Variants in REM1 observed in about 807,000 individuals in gnomAD.
The protein encoded by REM1 is GTP-binding protein REM 1.
In REM1, 20 loss-of-function variants were observed where a neutral mutation model predicts 27.0. The ratio of observed to expected loss-of-function variants is 0.74; its 90% confidence interval spans 0.52 to 1.08. The LOEUF (loss-of-function observed/expected upper bound fraction) is 1.08, where lower values mean the gene tolerates loss of function less well. Ranked by LOEUF, REM1 falls within the 50% of genes least tolerant of loss-of-function variation. The probability of loss-of-function intolerance (pLI) is 0.00; values close to 1 mark genes in which losing one functional copy is unlikely to be tolerated. For synonymous variants in REM1, 159 were observed against 167.9 expected, an observed-to-expected ratio of 0.95 and a Z score of 0.41; for missense variants, 405 against 407.0, an observed-to-expected ratio of 1.00 and a Z score of 0.04.
intron 3 of REM1, among the ~76,000 whole-genome samples, chr20:31,478,993 C>T (rs1260623913): frequency 6.6e-6 from 1 of 152,116 alleles, no homozygotes; most frequent in Admixed American, 6.5e-5. Context: ...TGTCACCATG[C>T]CCAGCTAATT....
intron 4 of REM1, 138 bp downstream of exon 4, chr20:31,482,626 G>A: frequency 1.2e-6 from 1 of 830,094 alleles, no homozygotes; most frequent in Non-Finnish European, 1.9e-6. Context: ...TGCAAGCTGG[G>A]AACCATTCTT....
At chr20:31,483,121 GA>G (rs1254757166) in intron 4 of REM1, among the ~76,000 whole-genome samples, 1 of 152,112 alleles carries the variant, frequency 6.6e-6, no homozygotes, top group African/African-American at 2.4e-5. Flanking sequence ...CCAACATGGT[GA>G]AACCCCATCT....
chr20:31,481,986 G>C (rs910883295), intron 3 of REM1, among the ~76,000 whole-genome samples: 1 of 152,196 alleles, frequency 6.6e-6, no homozygotes, highest in African/African-American at 2.4e-5. Flanking sequence ...ACCCTCTTTA[G>C]CAGGAACAGG....
intron 3 of REM1, among the ~76,000 whole-genome samples, chr20:31,481,513 T>A (rs528413253): frequency 1.3e-5 from 2 of 152,130 alleles, no homozygotes; most frequent in East Asian, 3.9e-4. Flanking sequence ...TACACATGTC[T>A]CTTACTGGTA....
intron 3 of REM1, among the ~76,000 whole-genome samples, chr20:31,480,464 C>G (rs564668629): frequency 9.0e-4 from 137 of 152,184 alleles, no homozygotes; most frequent in African/African-American, 3.1e-3. Flanking sequence ...GCTGGGACTA[C>G]AGGCACCCAC....
chr20:31,480,966 G>A (rs889397101), intron 3 of REM1, among the ~76,000 whole-genome samples: 1 of 152,096 alleles, frequency 6.6e-6, no homozygotes, highest in Non-Finnish European at 1.5e-5. Context: ...ATTCCCATTT[G>A]GTTATCAGAA....
chr20:31,480,546 C>A (rs1333324796), intron 3 of REM1, among the ~76,000 whole-genome samples: 2 of 152,110 alleles, frequency 1.3e-5, no homozygotes, highest in Non-Finnish European at 2.9e-5. Context: ...TGGTCTCGAA[C>A]TCCTGACCTC....
At chr20:31,477,285 C>T (rs1473279269) in intron 2 of REM1, among the ~76,000 whole-genome samples, 10 of 152,016 alleles carry the variant, frequency 6.6e-5, no homozygotes, top group Non-Finnish European at 1.3e-4. Flanking sequence ...CTGCTGTGAG[C>T]TGAGAGTGTC....
rs767744598 is a variant in REM1, at chr20:31,477,788, G to C, written c.341-40G>C. 2.6e-6 allele frequency: 4 copies of C among 1,527,496 alleles called. No individual in the cohort carries two copies. The African/African-American group carries it at 4.1e-5, about 16-fold the overall frequency. The allele number at this position is 1,527,496 out of a possible 1,614,324, so 94.6% of individuals were successfully genotyped here. A position where few individuals can be genotyped will look rare whatever the true frequency, so the allele number is the denominator to read the frequency against. ...GGGAACACCACACTCTCTCAGGCTT[G>C]CCCGTCCTCCCTGAGATCCAGCTCT... On this transcript the variant is annotated intron_variant, in intron 2 of 4. Coordinates refer to ENST00000201979, the MANE Select transcript of REM1 (RefSeq NM_014012.6).
At chr20:31,476,034 G>A (rs926498724) in intron 1 of REM1, among the ~76,000 whole-genome samples, 193 bp from the exon 2 acceptor site, 1 of 152,240 alleles carries the variant, frequency 6.6e-6, no homozygotes, top group Admixed American at 6.5e-5. Context: ...AGGGCCTCAT[G>A]TTCTGTGGCA....
chr20:31,476,531 A>G lies in REM1; in HGVS notation c.86A>G (p.Gln29Arg), dbSNP rs1980510110. 1.6e-5 allele frequency: 26 copies of G among 1,613,940 alleles called. No individual in the cohort carries two copies. The highest frequency in any genetic ancestry group is 1.9e-5 in the Non-Finnish European group (22 of 1,179,966). Reference protein sequence around the residue: ...TPLPLSPRGHQPGRLSTVPST... With the variant: ...TPLPLSPRGHRPGRLSTVPST... ...CTGCCCCTGTCCCCACGGGGCCACC[A>G]GCCTGGCCGCCTGAGCACAGTGCCT... The change falls in exon 2 of 5, where the codon CAG becomes CGG. Residue 29 changes from glutamine (Q) to arginine (R), a missense_variant. Physicochemically the swap from Gln to Arg is conservative, Grantham distance 43. Coordinates refer to ENST00000201979, the MANE Select transcript of REM1 (RefSeq NM_014012.6).
At chr20:31,477,964 C>A in intron 3 of REM1, 54 bp downstream of exon 3, 1 of 1,123,418 alleles carries the variant, frequency 8.9e-7, no homozygotes, top group Non-Finnish European at 1.3e-6. Context: ...TAATACTAGA[C>A]TCCTTCCTGT....
chr20:31,479,131 G>A (rs1203462476), intron 3 of REM1, among the ~76,000 whole-genome samples: 1 of 152,118 alleles, frequency 6.6e-6, no homozygotes, highest in South Asian at 2.1e-4. Flanking sequence ...CACCATGCCC[G>A]GCCGAGGCTG....
intron 3 of REM1, among the ~76,000 whole-genome samples, chr20:31,481,910 G>A (rs1483064254): frequency 6.6e-6 from 1 of 152,072 alleles, no homozygotes; most frequent in Non-Finnish European, 1.5e-5. Flanking sequence ...CAGGCATAAA[G>A]AACCATATGG....
At position 31,484,153 on chromosome 20, in the gene REM1, C is replaced by T. The variant is rs767885030; in HGVS notation, c.626-6C>T. The T allele has an allele frequency of 6.4e-7, 1 of 1,573,984 alleles. No homozygotes were observed. The highest frequency in any genetic ancestry group is 2.3e-5 in the East Asian group (1 of 43,352). ...CACCCCTCCTCGCCGGGCCCCGCCC[C>T]CTTAGAGGGCCGCGCCTGCGCTGTG... On this transcript the variant is annotated splice_region_variant and splice_polypyrimidine_tract_variant and intron_variant, in intron 4 of 4. Transcript: ENST00000201979.
chr20:31,482,390 G>T lies in REM1; in HGVS notation c.527G>T (p.Arg176Leu), dbSNP rs369078506. ...AGCTTTGAGAGTGCCTCTGAGCTCC[G>T]CATCCAGCTGCGGCGCACACATCAG... ...RGSFESASEL[R>L]IQLRRTHQAD... The change falls in exon 4 of 5, where the codon CGC (arginine) becomes CTC (leucine). Residue 176 changes from arginine (R) to leucine (L), a missense_variant. Coordinates refer to ENST00000201979, the MANE Select transcript of REM1 (RefSeq NM_014012.6). 12 of 1,614,004 alleles carry T rather than the reference G, an allele frequency of 7.4e-6. No individual in the cohort carries two copies. Among genetic ancestry groups the T allele is most frequent in the Non-Finnish European group, 1.0e-5 (12 of 1,180,038 alleles).
At position 31,484,279 on chromosome 20, in the gene REM1, A is replaced by T; in HGVS notation, c.746A>T (p.Asp249Val). The T allele has an allele frequency of 6.3e-7, 1 of 1,593,348 alleles. No homozygotes were observed. The highest frequency in any genetic ancestry group is 8.5e-7 in the Non-Finnish European group (1 of 1,170,944). ...VVRQLRLRRRDSAAKEPPAPR... is the reference protein window; with the variant it reads ...VVRQLRLRRRVSAAKEPPAPR... ...CGCCAACTGCGCTTGCGCCGCCGGG[A>T]CAGTGCGGCCAAGGAACCCCCAGCA... is the stretch of plus-strand genomic sequence containing the variant. Residue 249 changes from aspartate (D) to valine (V), a missense_variant, in exon 5 of 5, where the codon GAC becomes GTC. Asp to Val is a radical substitution (Grantham distance 152, BLOSUM62 -3). Transcript: ENST00000201979.
At chr20:31,476,124 C>CT (rs1313651878) in intron 1 of REM1, 103 bp from the exon 2 acceptor site, 14 of 322,292 alleles carry the variant, frequency 4.3e-5, no homozygotes, top group Admixed American at 8.9e-5. Flanking sequence ...ACCTGCCTGT[C>CT]TGTCATCAGG....
chr20:31,484,088 CAT>C, intron 4 of REM1, 69 bp from the exon 5 acceptor site: 19 of 1,460,488 alleles, frequency 1.3e-5, no homozygotes, highest in Non-Finnish European at 1.6e-5. Flanking sequence ...AGACTAAACA[CAT>C]CTCTTCCTAC....
Sources: allele counts gnomAD v4.1 joint callset (sites outside exome capture counted in the v4.1 genomes callset), GRCh38; gene constraint gnomAD v4.1.1; transcripts MANE v1.5; gene names NCBI Gene and HGNC (gene_info 2026-07-23, HGNC 2026-07-21).